Variants in SH3GL3 observed in about 807,000 individuals in gnomAD.
SH3GL3 encodes the protein SH3 domain containing GRB2 like 3, endophilin A3.
SH3GL3 carries 33 observed loss-of-function variants against 47.7 expected under a neutral mutation model. The ratio of observed to expected loss-of-function variants is 0.69; its 90% CI spans 0.52 to 0.92. SH3GL3 has a LOEUF of 0.92. Among genes scored for constraint, SH3GL3 ranks in the 40% least tolerant of loss-of-function variants. The pLI is 0.00. For synonymous variants in SH3GL3, 155 were observed against 148.8 expected (o/e 1.04, Z -0.30); for missense variants, 363 against 417.8 (o/e 0.87, Z 1.14).
chr15:83,496,916 C>T (rs1212481051), intron 1 of SH3GL3, among the ~76,000 whole-genome samples: 1 of 152,060 alleles, frequency 6.6e-6, no homozygotes, highest in Non-Finnish European at 1.5e-5. Context: ...AGCTGGATAT[C>T]TTAGGACTTC....
chr15:83,480,204 T>G (rs1382049076), intron 1 of SH3GL3, among the ~76,000 whole-genome samples: 5 of 152,206 alleles, frequency 3.3e-5, no homozygotes, highest in Non-Finnish European at 7.3e-5. Flanking sequence ...CCTCTTTAAC[T>G]CTATCACCCT....
At chr15:83,600,949 T>C (rs2060363020) in intron 8 of SH3GL3, among the ~76,000 whole-genome samples, 1 of 152,198 alleles carries the variant, frequency 6.6e-6, no homozygotes, top group Non-Finnish European at 1.5e-5. Context: ...GTTTTGCAGC[T>C]ATTATAAAAG....
chr15:83,489,882 GATAGATA>G (rs781010326), intron 1 of SH3GL3, among the ~76,000 whole-genome samples: 3 of 144,228 alleles, frequency 2.1e-5, no homozygotes, highest in Non-Finnish European at 3.0e-5. Context: ...TAGATAGATA[GATAGATA>G]ATAGATAGAT....
At chr15:83,606,035 T>C (rs1203890799) in intron 8 of SH3GL3, among the ~76,000 whole-genome samples, 1 of 150,166 alleles carries the variant, frequency 6.7e-6, no homozygotes, top group Admixed American at 6.9e-5. Flanking sequence ...TATCAACTCA[T>C]TTTTTATGAA....
intron 1 of SH3GL3, among the ~76,000 whole-genome samples, chr15:83,475,613 C>T (rs1195327539): frequency 1.3e-5 from 2 of 152,200 alleles, no homozygotes; most frequent in Non-Finnish European, 2.9e-5. Context: ...CAGTCATTGC[C>T]TAAAACAAAT....
At chr15:83,512,085 C>T (rs1418154633) in intron 1 of SH3GL3, among the ~76,000 whole-genome samples, 2 of 151,920 alleles carry the variant, frequency 1.3e-5, no homozygotes, top group Admixed American at 6.6e-5. Context: ...GTAAGGGGGG[C>T]CTTGACAGGT....
chr15:83,545,764 T>C lies in SH3GL3; in HGVS notation c.46-13489T>C, dbSNP rs148007387. 6.4e-4 allele frequency among the ~76,000 whole-genome samples: 97 copies of C among 152,336 alleles called. No individual in the cohort carries two copies. In the East Asian group the frequency reaches 0.011, roughly 18 times the overall value. On this transcript the variant is annotated intron_variant, in intron 1 of 8. Coordinates refer to ENST00000427482, the MANE Select transcript of SH3GL3 (RefSeq NM_003027.5). The stretch of plus-strand genomic sequence containing the variant: ...GGGAGTGCCCTAAGCCCAGTAACTC[T>C]GAGTCTTGCAGTCTTGTATAGGTGC...
chr15:83,509,121 G>A (rs1443295187), intron 1 of SH3GL3, among the ~76,000 whole-genome samples: 1 of 152,342 alleles, frequency 6.6e-6, no homozygotes, highest in African/African-American at 2.4e-5. Context: ...TCTTGAGAAA[G>A]TGATGGGACA....
chr15:83,566,365 A>AGTGTGTGTGTGTGTGTGTGT (rs57323112), intron 3 of SH3GL3, among the ~76,000 whole-genome samples: 1 of 136,626 alleles, frequency 7.3e-6, no homozygotes, highest in African/African-American at 2.7e-5. Flanking sequence ...AGAGAGAGAG[A>AGTGTGTGTGTGTGTGTGTGT]GTGTGTGTGT....
At chr15:83,527,404 T>A (rs1377295564) in intron 1 of SH3GL3, among the ~76,000 whole-genome samples, 1 of 152,148 alleles carries the variant, frequency 6.6e-6, no homozygotes, top group Non-Finnish European at 1.5e-5. Context: ...TCGGTTTTGG[T>A]GCACATACAT....
chr15:83,598,053 A>T (rs1198021707), intron 8 of SH3GL3, among the ~76,000 whole-genome samples: 1 of 152,134 alleles, frequency 6.6e-6, no homozygotes, highest in Non-Finnish European at 1.5e-5. Context: ...AGTGCTTATG[A>T]GGTTGCCTCC....
At chr15:83,520,416 A>T (rs1351660279) in intron 1 of SH3GL3, among the ~76,000 whole-genome samples, 3 of 152,180 alleles carry the variant, frequency 2.0e-5, no homozygotes, top group East Asian at 3.8e-4. Context: ...GGTGTAATCC[A>T]CCTGTTAGTA....
chr15:83,585,023 C>G (rs2059921756), intron 6 of SH3GL3, among the ~76,000 whole-genome samples: 1 of 152,200 alleles, frequency 6.6e-6, no homozygotes, highest in Non-Finnish European at 1.5e-5. Context: ...TGGTCCCCAG[C>G]ACACAGCTCA....
intron 1 of SH3GL3, chr15:83,490,825 G>C: frequency 6.2e-7 from 1 of 1,614,146 alleles, no homozygotes; most frequent in South Asian, 1.1e-5. Flanking sequence ...TAAATCAGAA[G>C]ATGAATGAAT....
chr15:83,482,640 C>T (rs751387288), intron 1 of SH3GL3, among the ~76,000 whole-genome samples: 5 of 151,964 alleles, frequency 3.3e-5, no homozygotes, highest in Admixed American at 1.3e-4. Context: ...ATTACAGGCG[C>T]GCACCACCAC....
At chr15:83,625,078 G>A in the SH3GL3 span, among the ~76,000 whole-genome samples, 11 of 152,164 alleles carry the variant, frequency 7.2e-5, no homozygotes, top group Non-Finnish European at 1.6e-4. Flanking sequence ...GGCCAAGATG[G>A]TGAAACCCCA....
chr15:83,541,119 C>T (rs2044131726), intron 1 of SH3GL3, among the ~76,000 whole-genome samples: 1 of 152,048 alleles, frequency 6.6e-6, no homozygotes, highest in Admixed American at 6.6e-5. Context: ...GACAGGATCT[C>T]ATTCTTTTTT....
At chr15:83,506,930 T>C (rs2042532933) in intron 1 of SH3GL3, among the ~76,000 whole-genome samples, 1 of 151,774 alleles carries the variant, frequency 6.6e-6, no homozygotes, top group East Asian at 1.9e-4. Context: ...GTTTTGTTTA[T>C]AGAAATCATT....
intron 6 of SH3GL3, among the ~76,000 whole-genome samples, chr15:83,583,741 C>T (rs762248227): frequency 6.6e-6 from 1 of 152,042 alleles, no homozygotes; most frequent in Non-Finnish European, 1.5e-5. Flanking sequence ...GTATAGTCTG[C>T]CATGGGAGAT....
Sources: allele counts gnomAD v4.1 joint callset (sites outside exome capture counted in the v4.1 genomes callset), GRCh38; gene constraint gnomAD v4.1.1; transcripts MANE v1.5; gene names NCBI Gene and HGNC (gene_info 2026-07-23, HGNC 2026-07-21).